NXPH1: variants seen among roughly 807,000 people sequenced by gnomAD.
NXPH1 encodes the protein neurexophilin 1, also known as neurexophilin-1.
Under a neutral mutation model 23.7 loss-of-function variants are expected in NXPH1, and 5 were observed. That is an observed-to-expected ratio of 0.21 (90% CI 0.11 to 0.44). The LOEUF (loss-of-function observed/expected upper bound fraction) is 0.44. NXPH1 is among the 20% of genes least tolerant of loss of function. The pLI is 0.99. For synonymous variants in NXPH1, 144 were observed against 122.2 expected (o/e 1.18, Z -1.18); for missense variants, 324 against 321.6 (o/e 1.01, Z -0.06).
intron 2 of NXPH1, among the ~76,000 whole-genome samples, chr7:8,438,403 C>T (rs1387162761): frequency 6.6e-6 from 1 of 152,188 alleles, no homozygotes; most frequent in Non-Finnish European, 1.5e-5. Context: ...AGTGGCAAAA[C>T]CATTATTTTA....
chr7:8,686,897 C>T (rs1263710208), intron 2 of NXPH1, among the ~76,000 whole-genome samples: 1 of 151,932 alleles, frequency 6.6e-6, no homozygotes, highest in Non-Finnish European at 1.5e-5. Context: ...TACACATTAC[C>T]ATAAACAAAT....
chr7:8,686,546 A>G (rs1327015312), intron 2 of NXPH1, among the ~76,000 whole-genome samples: 2 of 152,176 alleles, frequency 1.3e-5, no homozygotes, highest in East Asian at 1.9e-4. Flanking sequence ...AAAGTCATCT[A>G]TACACAGTAA....
intron 2 of NXPH1, among the ~76,000 whole-genome samples, chr7:8,610,592 A>C (rs574921330): frequency 6.6e-6 from 1 of 152,192 alleles, no homozygotes; most frequent in East Asian, 1.9e-4. Flanking sequence ...GAGAGAAAGA[A>C]GGAGAATATG....
chr7:8,524,138 A>G (rs1817822383), intron 2 of NXPH1, among the ~76,000 whole-genome samples: 1 of 145,668 alleles, frequency 6.9e-6, no homozygotes, highest in South Asian at 2.2e-4. Flanking sequence ...GCTACTCAGG[A>G]GGTCGAGGCA....
chr7:8,569,416 T>C (rs566307206), intron 2 of NXPH1, among the ~76,000 whole-genome samples: 11 of 152,044 alleles, frequency 7.2e-5, no homozygotes, highest in Non-Finnish European at 1.6e-4. Flanking sequence ...TTAGATTTCA[T>C]TTAGAGGTAT....
At chr7:8,503,627 T>C (rs968556850) in intron 2 of NXPH1, among the ~76,000 whole-genome samples, 2 of 152,008 alleles carry the variant, frequency 1.3e-5, no homozygotes, top group African/African-American at 2.4e-5. Context: ...ACCTACTTTC[T>C]TTTTAGATTT....
intron 2 of NXPH1, among the ~76,000 whole-genome samples, chr7:8,681,633 G>A (rs749219173): frequency 6.6e-6 from 1 of 152,204 alleles, no homozygotes; most frequent in Admixed American, 6.6e-5. Flanking sequence ...CATTTCTTCA[G>A]TGTTAACAGT....
intron 2 of NXPH1, among the ~76,000 whole-genome samples, chr7:8,578,626 G>C (rs1818798768): frequency 6.6e-6 from 1 of 152,158 alleles, no homozygotes. Flanking sequence ...ACTACTGCAG[G>C]CTGGTCATGA....
At chr7:8,643,021 T>A (rs887009187) in intron 2 of NXPH1, among the ~76,000 whole-genome samples, 28 of 152,036 alleles carry the variant, frequency 1.8e-4, no homozygotes, top group African/African-American at 6.8e-4. Flanking sequence ...CACGCCACCA[T>A]GCCTGGCTAA....
intron 2 of NXPH1, among the ~76,000 whole-genome samples, chr7:8,652,558 T>C (rs1414743848): frequency 6.6e-6 from 1 of 152,186 alleles, no homozygotes; most frequent in African/African-American, 2.4e-5. Flanking sequence ...CTAAGAACAT[T>C]ATTACACACA....
At chr7:8,499,554 A>G (rs1273078582) in intron 2 of NXPH1, among the ~76,000 whole-genome samples, 2 of 152,096 alleles carry the variant, frequency 1.3e-5, no homozygotes, top group East Asian at 3.9e-4. Flanking sequence ...ACAAAAACAG[A>G]CAGTGCAAAA....
intron 2 of NXPH1, among the ~76,000 whole-genome samples, chr7:8,547,915 G>T (rs1818220887): frequency 6.6e-6 from 1 of 151,530 alleles, no homozygotes; most frequent in African/African-American, 2.4e-5. Context: ...TTGGTTCCAT[G>T]ACTTTGCTAT....
chr7:8,676,961 T>G (rs1485770556), intron 2 of NXPH1, among the ~76,000 whole-genome samples: 2 of 152,302 alleles, frequency 1.3e-5, no homozygotes, highest in East Asian at 3.9e-4. Flanking sequence ...TGCTACAAAT[T>G]TACACTGTTC....
At chr7:8,678,127 T>C (rs1379159823) in intron 2 of NXPH1, among the ~76,000 whole-genome samples, 5 of 152,172 alleles carry the variant, frequency 3.3e-5, no homozygotes, top group African/African-American at 1.2e-4. Context: ...ATTTATCCTA[T>C]TTCAAGTACT....
chr7:8,445,635 T>G (rs1023944693), intron 2 of NXPH1, among the ~76,000 whole-genome samples: 1 of 152,228 alleles, frequency 6.6e-6, no homozygotes, highest in Non-Finnish European at 1.5e-5. Flanking sequence ...TAGAGAAAAT[T>G]TCCTGGTTTT....
rs1818299850 is a variant in NXPH1 at position 8,552,791 on chromosome 7, T to C, written c.54+117024T>C. On this transcript the variant is annotated intron_variant, in intron 2 of 2. Transcript: ENST00000405863. ...AATGTCACCATTCGACTACCCTTAA[T>C]TAAAATCTGCTTGTATTTGCTCTTT... Among the ~76,000 whole-genome samples the C allele has an allele frequency of 2.0e-5, 3 of 151,614 alleles. No individual in the cohort carries two copies. The South Asian group carries it at 6.2e-4, about 31-fold the overall frequency.
intron 2 of NXPH1, among the ~76,000 whole-genome samples, chr7:8,666,319 A>T (rs1478343202): frequency 6.6e-6 from 1 of 152,022 alleles, no homozygotes; most frequent in African/African-American, 2.4e-5. Flanking sequence ...TTTGTCTTTC[A>T]TTCCGATAAT....
At chr7:8,645,902 C>T (rs1820392089) in intron 2 of NXPH1, among the ~76,000 whole-genome samples, 1 of 151,980 alleles carries the variant, frequency 6.6e-6, no homozygotes, top group Admixed American at 6.6e-5. Flanking sequence ...TTTCATTTGT[C>T]TCTGTAATCT....
At chr7:8,698,555 A>G (rs544964625) in intron 2 of NXPH1, among the ~76,000 whole-genome samples, 86 of 152,282 alleles carry the variant, frequency 5.6e-4, no homozygotes, top group African/African-American at 1.8e-3. Context: ...GTCTTGTAGC[A>G]TAGTAGTATC....
Sources: gnomAD v4.1 joint callset for allele counts (sites outside exome capture counted in the v4.1 genomes callset) on GRCh38, gnomAD v4.1.1 for gene constraint, MANE v1.5 for transcripts, NCBI Gene and HGNC (gene_info 2026-07-23, HGNC 2026-07-21) for gene names.